MCF2L: variants seen among roughly 807,000 people sequenced by gnomAD.
MCF2L encodes the protein MCF.2 cell line derived transforming sequence like.
In MCF2L, 97 loss-of-function variants were observed where a neutral mutation model predicts 153.4. That is an observed-to-expected ratio of 0.63 (90% CI 0.54 to 0.75). The LOEUF (loss-of-function observed/expected upper bound fraction) is 0.75. Among genes scored for constraint, MCF2L ranks in the 30% least tolerant of loss-of-function variants. MCF2L has a pLI of 0.00. For synonymous variants in MCF2L, 659 were observed against 632.2 expected (o/e 1.04, Z -0.64); for missense variants, 1,347 against 1,495.2 (o/e 0.90, Z 1.64).
chr13:112,926,609 A>G (rs1008109700), intron 2 of MCF2L, among the ~76,000 whole-genome samples: 1 of 152,192 alleles, frequency 6.6e-6, no homozygotes, highest in Admixed American at 6.5e-5. Flanking sequence ...CTATATACAC[A>G]CAGTGGAGTG....
At chr13:112,917,145 A>G (rs1326886498) in intron 2 of MCF2L, 1 of 470,996 alleles carries the variant, frequency 2.1e-6, no homozygotes, top group Admixed American at 2.4e-5. Context: ...CTGGCTTGTG[A>G]CCCACCTGAG....
intron 2 of MCF2L, among the ~76,000 whole-genome samples, chr13:112,947,682 C>G (rs377512562): frequency 6.6e-6 from 1 of 152,328 alleles, no homozygotes; most frequent in East Asian, 1.9e-4. Context: ...GTTGGGCACC[C>G]CAGGTCTCAG....
rs928647608 is a variant in MCF2L at position 113,078,513 on chromosome 13, C to T, written c.1734+77C>T. ...CGCTGGGCCTGGTTCTCCGTGTGGCCCCCCCTCCCGGGCACTGCCCAGCTA... is the reference window on the plus strand; with the variant it reads ...CGCTGGGCCTGGTTCTCCGTGTGGCTCCCCCTCCCGGGCACTGCCCAGCTA... On this transcript the variant is annotated intron_variant, in intron 14 of 29. Coordinates refer to ENST00000535094, the MANE Select transcript of MCF2L (RefSeq NM_001112732.3). The T allele has an allele frequency of 4.2e-6, 6 of 1,438,786 alleles. No individual in the cohort carries two copies. In the African/African-American group the frequency reaches 7.0e-5, roughly 17 times the overall value. The allele number at this position is 1,438,786 out of a possible 1,614,324, so 89.1% of individuals were successfully genotyped here. A position where few individuals can be genotyped will look rare whatever the true frequency, so the allele number is the denominator to read the frequency against.
At position 112,960,860 on chromosome 13, in the gene MCF2L, G is replaced by A. The variant is rs1287594987; in HGVS notation, c.170-53903G>A. On this transcript the variant is annotated intron_variant, in intron 2 of 29. Coordinates refer to the MCF2L transcript ENST00000375608. This position sits in a 1 kb window ranked among gnomAD's most constrained non-coding sequence, Gnocchi z 4.2. ...CTGCTGCCCTGCTGGAAGGACCCTG[G>A]GATGACCCTGGATCTCCTGGATAGC... Among the ~76,000 whole-genome samples, 1 of 152,022 alleles carries A rather than the reference G, an allele frequency of 6.6e-6. No homozygotes were observed. The highest frequency in any genetic ancestry group is 2.4e-5 in the African/African-American group (1 of 41,378).
intron 21 of MCF2L, 29 bp downstream of exon 21, chr13:113,086,278 C>G (rs773623469): frequency 1.2e-6 from 2 of 1,605,742 alleles, no homozygotes; most frequent in Non-Finnish European, 1.7e-6. Flanking sequence ...CGGTCTTCCC[C>G]GCCGCCTCCG....
At chr13:112,923,460 T>C (rs2081373889) in intron 2 of MCF2L, among the ~76,000 whole-genome samples, 1 of 152,020 alleles carries the variant, frequency 6.6e-6, no homozygotes, top group African/African-American at 2.4e-5. Context: ...GAGATGGGGT[T>C]TCACCGTGTT....
intron 4 of MCF2L, among the ~76,000 whole-genome samples, chr13:113,058,856 G>C (rs1461131301): frequency 8.6e-5 from 13 of 151,250 alleles, no homozygotes; most frequent in Admixed American, 8.5e-4. Context: ...CTGAGTGTTT[G>C]GGTGATGTGT....
upstream of MCF2L, among the ~76,000 whole-genome samples, chr13:112,967,147 G>C (rs1252572458): frequency 6.6e-6 from 1 of 150,738 alleles, no homozygotes; most frequent in Non-Finnish European, 1.5e-5. Flanking sequence ...CCTGATGACA[G>C]GCTTTCCCTG....
chr13:112,979,753 G>A (rs769837987), intron 1 of MCF2L: 15 of 1,611,348 alleles, frequency 9.3e-6, no homozygotes, highest in East Asian at 4.5e-5. Context: ...GGGCGCTCGA[G>A]GCCAGGTGAG....
chr13:113,096,169 C>A, intron 27 of MCF2L: 1 of 599,006 alleles, frequency 1.7e-6, no homozygotes, highest in East Asian at 2.8e-5. Context: ...GACAGATTCA[C>A]AGACGCCTTC....
intron 26 of MCF2L, chr13:113,090,875 A>C: frequency 8.6e-7 from 1 of 1,161,318 alleles, no homozygotes; most frequent in Non-Finnish European, 1.1e-6. Flanking sequence ...GTCCCTAGAG[A>C]CGGGCCCCGA....
At chr13:113,095,211 C>T (rs755183497) in intron 27 of MCF2L, 4 of 1,226,370 alleles carry the variant, frequency 3.3e-6, no homozygotes, top group Non-Finnish European at 4.2e-6. Context: ...GTGAGGGTTA[C>T]ACCAAGAAGT....
chr13:112,995,976 C>T (rs2083113656), intron 1 of MCF2L, among the ~76,000 whole-genome samples: 5 of 152,180 alleles, frequency 3.3e-5, no homozygotes, highest in African/African-American at 1.2e-4. Flanking sequence ...CTGCCCTCAC[C>T]CCATGCCAGG....
chr13:112,958,300 C>G (rs1409204318), intron 2 of MCF2L: 1 of 152,290 alleles, frequency 6.6e-6, no homozygotes, highest in African/African-American at 2.4e-5. Flanking sequence ...AGTGCAGACA[C>G]AGGCTGGAGA....
In MCF2L at chr13:112,908,742, G is replaced by GTTT. The variant is rs10627227; in HGVS notation, c.169+6378_169+6380dup. ...TTTTGTTTTGTTTTGGTTTTTTTTT[G>GTTT]TTTTTTTTTGAGACAGAGTCTCACT... On this transcript the variant is annotated intron_variant, in intron 2 of 29. Coordinates refer to the MCF2L transcript ENST00000375608. 3.4e-3 allele frequency among the ~76,000 whole-genome samples: 508 copies of GTTT among 147,632 alleles called. 8 individuals carry two copies. The highest frequency in any genetic ancestry group is 0.01 in the African/African-American group (402 of 39,940).
intron 7 of MCF2L, 111 bp downstream of exon 7, chr13:113,065,196 T>C: frequency 3.7e-6 from 5 of 1,364,688 alleles, no homozygotes; most frequent in Non-Finnish European, 5.1e-6. Context: ...CGGGAGTTTG[T>C]GTCAGCAGCA....
intron 2 of MCF2L, among the ~76,000 whole-genome samples, chr13:112,929,415 G>A (rs1447380037): frequency 6.6e-6 from 1 of 152,216 alleles, no homozygotes; most frequent in Non-Finnish European, 1.5e-5. Flanking sequence ...CCACTTATAG[G>A]CCAGGAAATG....
intron 2 of MCF2L, among the ~76,000 whole-genome samples, chr13:113,020,982 T>C (rs2084846314): frequency 6.6e-6 from 1 of 150,434 alleles, no homozygotes; most frequent in South Asian, 2.1e-4. Flanking sequence ...CTTGTAGATG[T>C]GTATGTGTGT....
rs1160868917 is a variant in MCF2L, at chr13:113,054,425, C to G, written c.370-6168C>G. Reference sequence around the variant, plus strand: ...ATTCTGAGCACTCGTGTCTGAACATCTGCAGGAACAGGGTCCACGCCCATT... The same window carrying G: ...ATTCTGAGCACTCGTGTCTGAACATGTGCAGGAACAGGGTCCACGCCCATT... On this transcript the variant is annotated intron_variant, in intron 4 of 29. Coordinates refer to ENST00000535094, the MANE Select transcript of MCF2L (RefSeq NM_001112732.3). This position sits in a 1 kb window ranked among gnomAD's most constrained non-coding sequence, Gnocchi z 5.2. 6.0e-6 allele frequency: 1 copy of G among 167,302 alleles called. No individual in the cohort carries two copies. Among genetic ancestry groups the G allele is most frequent in the East Asian group, 1.9e-4 (1 of 5,200 alleles). The allele number at this position is 167,302 out of a possible 1,614,324, so 10.4% of individuals were successfully genotyped here.
Sources: gnomAD v4.1 joint callset for allele counts (sites outside exome capture counted in the v4.1 genomes callset) on GRCh38, gnomAD v4.1.1 for gene constraint, Gnocchi (gnomAD v3.1) non-coding constraint, MANE v1.5 for transcripts, NCBI Gene and HGNC (gene_info 2026-07-23, HGNC 2026-07-21) for gene names.